The following INPP5A variants were observed in gnomAD, a reference collection of about 807,000 sequenced individuals.
The protein encoded by INPP5A is inositol polyphosphate-5-phosphatase A.
A neutral mutation model predicts 65.2 loss-of-function variants in INPP5A; 14 were observed. The observed-to-expected ratio is 0.21, with a 90% CI of 0.14 to 0.34. The LOEUF is 0.34. Ranked by LOEUF, INPP5A falls within the 10% of genes least tolerant of loss-of-function variation. The pLI is 1.00. For missense variants in INPP5A, 431 were observed against 545.6 expected (o/e 0.79, Z 2.09); for synonymous variants, 207 against 208.3 (o/e 0.99, Z 0.05).
At chr10:132,695,707 G>T (rs1192298151) in intron 5 of INPP5A, among the ~76,000 whole-genome samples, 4 of 152,166 alleles carry the variant, frequency 2.6e-5, no homozygotes, top group Non-Finnish European at 5.9e-5. Context: ...TAGCAGCAAT[G>T]AACAGGTGGA....
intron 1 of INPP5A, among the ~76,000 whole-genome samples, chr10:132,541,563 A>C (rs1243501869): frequency 6.6e-6 from 1 of 152,134 alleles, no homozygotes; most frequent in Non-Finnish European, 1.5e-5. Flanking sequence ...GTTCTTGTTT[A>C]TGTTGGTTAT....
chr10:132,675,669 G>A lies in INPP5A; in HGVS notation c.307-14723G>A, dbSNP rs2072953928. On this transcript the variant is annotated intron_variant, in intron 4 of 15. Coordinates refer to ENST00000368594, the MANE Select transcript of INPP5A (RefSeq NM_005539.5). The surrounding 1 kb of genome is among the most constrained non-coding windows in gnomAD (Gnocchi z 4.2). ...CCCGATCAGGGTCTGGAGGGAGCGT[G>A]TGCCCTTGGAATACTGCTGTTTTAG... Among the ~76,000 whole-genome samples, 1 of 152,238 alleles carries A rather than the reference G, an allele frequency of 6.6e-6. No individual in the cohort carries two copies. Among genetic ancestry groups the A allele is most frequent in the Non-Finnish European group, 1.5e-5 (1 of 68,048 alleles).
chr10:132,759,267 C>T (rs1460037849), intron 11 of INPP5A, among the ~76,000 whole-genome samples: 3 of 152,132 alleles, frequency 2.0e-5, no homozygotes, highest in Admixed American at 6.5e-5. Context: ...GGAAGACCCC[C>T]GGGGTAGTGA....
intron 8 of INPP5A, among the ~76,000 whole-genome samples, chr10:132,718,727 G>C (rs1196600230): frequency 6.6e-6 from 1 of 150,486 alleles, no homozygotes; most frequent in Non-Finnish European, 1.5e-5. Flanking sequence ...GGGTTCTGTG[G>C]TACCTGGGTT....
intron 2 of INPP5A, among the ~76,000 whole-genome samples, chr10:132,642,311 G>A (rs975877062): frequency 2.0e-5 from 3 of 152,208 alleles, no homozygotes; most frequent in Admixed American, 6.5e-5. Context: ...GGCTGGGGAC[G>A]ACATCTGAGA....
intron 1 of INPP5A, among the ~76,000 whole-genome samples, chr10:132,588,370 T>G (rs1301011256): frequency 1.3e-5 from 2 of 152,252 alleles, no homozygotes; most frequent in Non-Finnish European, 2.9e-5. Context: ...GACTGGGTCC[T>G]TTCTCACGGG....
chr10:132,738,868 T>G (rs1408003279), intron 9 of INPP5A, among the ~76,000 whole-genome samples: 2 of 152,212 alleles, frequency 1.3e-5, no homozygotes, highest in African/African-American at 4.8e-5. Flanking sequence ...AAGCTTGGGA[T>G]GCAGGGCCTT....
chr10:132,688,117 G>A (rs1055802226), intron 4 of INPP5A, among the ~76,000 whole-genome samples: 1 of 152,200 alleles, frequency 6.6e-6, no homozygotes, highest in Non-Finnish European at 1.5e-5. Flanking sequence ...TTGTGGAGTC[G>A]GCATCAAACC....
chr10:132,588,296 A>G (rs574163520), intron 1 of INPP5A, among the ~76,000 whole-genome samples: 1 of 152,326 alleles, frequency 6.6e-6, no homozygotes, highest in South Asian at 2.1e-4. Flanking sequence ...AACAGGAATA[A>G]TATTCTGAGA....
intron 6 of INPP5A, among the ~76,000 whole-genome samples, chr10:132,701,369 G>A (rs976454198): frequency 2.0e-5 from 3 of 152,216 alleles, no homozygotes; most frequent in Non-Finnish European, 4.4e-5. Context: ...CGTCCCATCT[G>A]CAGGCTCCTG....
Position 132,575,034 on chromosome 10 carries a change from G to A in INPP5A, c.76-32881G>A, listed in dbSNP as rs1311761574. 6.6e-6 allele frequency among the ~76,000 whole-genome samples: 1 copy of A among 152,174 alleles called. No individual in the cohort carries two copies. Among genetic ancestry groups the A allele is most frequent in the Non-Finnish European group, 1.5e-5 (1 of 68,026 alleles). ...AAGCACACCTCAGCATATGGTCTGCGGAGTCCTCCCGGGGGCTCCGGATTC... is the reference window on the plus strand; with the variant it reads ...AAGCACACCTCAGCATATGGTCTGCAGAGTCCTCCCGGGGGCTCCGGATTC... On this transcript the variant is annotated intron_variant, in intron 1 of 15. Transcript: ENST00000368594. The surrounding 1 kb of genome is among the most constrained non-coding windows in gnomAD (Gnocchi z 5.4).
chr10:132,708,410 C>T (rs1845574411), intron 7 of INPP5A, 45 bp downstream of exon 7: 3 of 1,570,098 alleles, frequency 1.9e-6, no homozygotes, highest in Non-Finnish European at 8.8e-7. Flanking sequence ...CGTTTCTTAC[C>T]CTTTTATATC....
At chr10:132,628,821 G>A (rs1374164704) in intron 2 of INPP5A, among the ~76,000 whole-genome samples, 3 of 152,168 alleles carry the variant, frequency 2.0e-5, no homozygotes, top group Admixed American at 1.3e-4. Context: ...TGTGTAAAGT[G>A]CATATGTCAT....
chr10:132,653,705 T>A (rs913780677), intron 4 of INPP5A, among the ~76,000 whole-genome samples: 2 of 152,256 alleles, frequency 1.3e-5, no homozygotes, highest in African/African-American at 4.8e-5. Context: ...TTGTTAATAA[T>A]CCCAAGTCAA....
chr10:132,781,775 G>C (rs1476767937), intron 14 of INPP5A, 86 bp from the exon 15 acceptor site: 5 of 1,103,884 alleles, frequency 4.5e-6, no homozygotes, highest in Non-Finnish European at 6.9e-6. Flanking sequence ...TGAGACGCAG[G>C]GTCTGGGGGT....
At position 132,706,669 on chromosome 10, in the gene INPP5A, G is replaced by T. The variant is rs909259394; in HGVS notation, c.475-1644G>T. 8.5e-5 allele frequency among the ~76,000 whole-genome samples: 13 copies of T among 152,172 alleles called. No individual in the cohort carries two copies. The highest frequency in any genetic ancestry group is 1.3e-4 in the Non-Finnish European group (9 of 68,022). ...CATGAGTGGGAGCACTTAGGGAGGG[G>T]GCAGGGAGCACTTGTGGTGGGGGCA... is the stretch of plus-strand genomic sequence containing the variant. On this transcript the variant is annotated intron_variant, in intron 6 of 15. Transcript: ENST00000368594. The surrounding 1 kb of genome is among the most constrained non-coding windows in gnomAD (Gnocchi z 4.7).
chr10:132,710,946 C>G (rs1412531069), intron 8 of INPP5A, among the ~76,000 whole-genome samples: 1 of 152,160 alleles, frequency 6.6e-6, no homozygotes, highest in Non-Finnish European at 1.5e-5. Context: ...GAGGCACACT[C>G]TGCTCTGCGC....
At position 132,710,330 on chromosome 10, in the gene INPP5A, G is replaced by A. The variant is rs1445920969; in HGVS notation, c.528-7G>A. 46 of 1,613,754 alleles carry A rather than the reference G, an allele frequency of 2.9e-5. No individual in the cohort carries two copies. Among genetic ancestry groups the A allele is most frequent in the Non-Finnish European group, 3.9e-5 (46 of 1,179,898 alleles). On this transcript the variant is annotated splice_region_variant and splice_polypyrimidine_tract_variant and intron_variant, in intron 7 of 15. Coordinates refer to ENST00000368594, the MANE Select transcript of INPP5A (RefSeq NM_005539.5). ...TGGTGACGTGTCCTTTTCTCTTTTG[G>A]TTGCAGTGCCTTTGACTTGGTGAAT...
chr10:132,758,498 C>T (rs1224961910), intron 11 of INPP5A, among the ~76,000 whole-genome samples: 1 of 151,368 alleles, frequency 6.6e-6, no homozygotes, highest in Non-Finnish European at 1.5e-5. Flanking sequence ...AGCACCATGG[C>T]GTGGGTGCCC....
Sources: allele counts gnomAD v4.1 joint callset (sites outside exome capture counted in the v4.1 genomes callset), GRCh38; gene constraint gnomAD v4.1.1; non-coding constraint Gnocchi (gnomAD v3.1); transcripts MANE v1.5; gene names NCBI Gene and HGNC (gene_info 2026-07-23, HGNC 2026-07-21).